MACROD2: variants seen among roughly 807,000 people sequenced by gnomAD.
MACROD2 encodes mono-ADP ribosylhydrolase 2.
Under a neutral mutation model 70.4 loss-of-function variants are expected in MACROD2, and 36 were observed. The ratio of observed to expected loss-of-function variants is 0.51; its 90% CI spans 0.39 to 0.68. The LOEUF (loss-of-function observed/expected upper bound fraction) is 0.68, where lower values mean the gene tolerates loss of function less well. Ranked by LOEUF, MACROD2 falls within the 30% of genes least tolerant of loss-of-function variation. The probability of loss-of-function intolerance (pLI) is 0.00; values close to 1 mark genes in which losing one functional copy is unlikely to be tolerated. For synonymous variants in MACROD2, 172 were observed against 178.8 expected (o/e 0.96, Z 0.30); for missense variants, 496 against 538.4 (o/e 0.92, Z 0.78).
At chr20:15,754,081 A>G (rs1459261748) in intron 8 of MACROD2, among the ~76,000 whole-genome samples, 1 of 152,244 alleles carries the variant, frequency 6.6e-6, no homozygotes, top group Non-Finnish European at 1.5e-5. Flanking sequence ...GTTACTTAAC[A>G]TACATAATGA....
In MACROD2 at chr20:14,862,604, TAA is replaced by T. The variant is rs1471122310; in HGVS notation, c.418+177647_418+177648del. Among the ~76,000 whole-genome samples, 23 of 33,056 alleles carry T rather than the reference TAA, an allele frequency of 7.0e-4. 1 individual carries two copies. The highest frequency in any genetic ancestry group is 2.2e-3 in the East Asian group (2 of 924). 21.7% of individuals were successfully genotyped at this position (33,056 alleles called of 152,430 possible). A position where few individuals can be genotyped will look rare whatever the true frequency, so the allele number is the denominator to read the frequency against. On this transcript the variant is annotated intron_variant, in intron 5 of 17. Coordinates refer to ENST00000684519, the MANE Select transcript of MACROD2 (RefSeq NM_001351661.2). ...ATATGTATAAATATATATATAAATA[TAA>T]ATATATATAAATATATATATATAAA...
intron 8 of MACROD2, among the ~76,000 whole-genome samples, chr20:15,861,393 T>C (rs1296360967): frequency 6.6e-6 from 1 of 152,192 alleles, no homozygotes; most frequent in Admixed American, 6.5e-5. Context: ...CAATGACAGG[T>C]TTAGCATTTA....
intron 2 of MACROD2, among the ~76,000 whole-genome samples, chr20:14,016,905 G>A (rs1601117141): frequency 6.6e-6 from 1 of 152,012 alleles, no homozygotes; most frequent in Non-Finnish European, 1.5e-5. Flanking sequence ...TTGGGATGCC[G>A]ATTATATTGA....
At chr20:15,631,439 A>T (rs991737588) in intron 8 of MACROD2, among the ~76,000 whole-genome samples, 13 of 152,202 alleles carry the variant, frequency 8.5e-5, no homozygotes, top group Non-Finnish European at 1.9e-4. Context: ...GATTATTTTA[A>T]ATCCAAACAC....
rs529650590 is a variant in MACROD2, at chr20:14,902,662, G to T, written c.418+217703G>T. Among the ~76,000 whole-genome samples, 154 of 152,178 alleles carry T rather than the reference G, an allele frequency of 1.0e-3. 1 individual carries two copies. The highest frequency in any genetic ancestry group is 1.5e-3 in the Admixed American group (23 of 15,280). On this transcript the variant is annotated intron_variant, in intron 5 of 17. Transcript: ENST00000684519. ...AGAAGAGAGGCAGGGTGGTCAGGACGTGCTGAGAAAGACTGAAAAAAATAG... is the reference window on the plus strand; with the variant it reads ...AGAAGAGAGGCAGGGTGGTCAGGACTTGCTGAGAAAGACTGAAAAAAATAG...
At chr20:15,204,391 T>C (rs1005935917) in intron 5 of MACROD2, among the ~76,000 whole-genome samples, 1 of 152,292 alleles carries the variant, frequency 6.6e-6, no homozygotes, top group African/African-American at 2.4e-5. Flanking sequence ...TTGTGAATTC[T>C]AATAGGTCTA....
intron 5 of MACROD2, among the ~76,000 whole-genome samples, chr20:14,906,800 G>A (rs967915019): frequency 6.6e-6 from 1 of 152,132 alleles, no homozygotes; most frequent in East Asian, 1.9e-4. Context: ...CTTCTTTGAA[G>A]TATTCTTTAA....
At chr20:14,220,032 A>T (rs990342698) in intron 3 of MACROD2, among the ~76,000 whole-genome samples, 1 of 152,150 alleles carries the variant, frequency 6.6e-6, no homozygotes, top group African/African-American at 2.4e-5. Context: ...GGCACTTTCC[A>T]GAGAGCATCA....
chr20:15,040,722 A>G (rs1360396057), intron 5 of MACROD2, among the ~76,000 whole-genome samples: 3 of 152,304 alleles, frequency 2.0e-5, no homozygotes, highest in Non-Finnish European at 4.4e-5. Context: ...ATGGCTTTAT[A>G]TAAAGTTATT....
At chr20:15,427,354 A>T (rs2046311916) in intron 6 of MACROD2, among the ~76,000 whole-genome samples, 1 of 152,216 alleles carries the variant, frequency 6.6e-6, no homozygotes. Flanking sequence ...GAGCTAAGGC[A>T]AATGAAACTT....
chr20:14,810,252 G>A (rs1011205238), intron 5 of MACROD2, among the ~76,000 whole-genome samples: 3 of 151,880 alleles, frequency 2.0e-5, no homozygotes, highest in African/African-American at 4.8e-5. Context: ...TGATCAAGTC[G>A]GCTTCATCCC....
chr20:15,855,545 A>G (rs2064347455), intron 8 of MACROD2, among the ~76,000 whole-genome samples: 1 of 152,192 alleles, frequency 6.6e-6, no homozygotes, highest in African/African-American at 2.4e-5. Context: ...TTATTGAAGT[A>G]TAACATACAG....
chr20:15,716,521 G>A (rs150537943), intron 8 of MACROD2, among the ~76,000 whole-genome samples: 1 of 152,294 alleles, frequency 6.6e-6, no homozygotes, highest in Non-Finnish European at 1.5e-5. Context: ...TTAGCAGGGA[G>A]CACTGCCTTT....
chr20:15,805,234 C>G (rs533844976), intron 8 of MACROD2, among the ~76,000 whole-genome samples: 1 of 152,082 alleles, frequency 6.6e-6, no homozygotes, highest in Non-Finnish European at 1.5e-5. Flanking sequence ...AGCTGAAGAA[C>G]TGGATAGAAT....
At chr20:15,991,651 T>C (rs1344614765) in intron 15 of MACROD2, among the ~76,000 whole-genome samples, 1 of 152,230 alleles carries the variant, frequency 6.6e-6, no homozygotes, top group Non-Finnish European at 1.5e-5. Context: ...ACTGGAACAT[T>C]CTACCTTCAG....
chr20:15,336,450 TCA>T (rs907328211), intron 6 of MACROD2, among the ~76,000 whole-genome samples: 2 of 151,628 alleles, frequency 1.3e-5, no homozygotes, highest in African/African-American at 4.9e-5. Context: ...TTAAAACCTT[TCA>T]CAGAGACTGA....
chr20:15,109,072 A>G (rs2075934355), intron 5 of MACROD2, among the ~76,000 whole-genome samples: 1 of 152,204 alleles, frequency 6.6e-6, no homozygotes, highest in African/African-American at 2.4e-5. Flanking sequence ...AGCCACACCC[A>G]TTCACTTTCA....
chr20:15,750,247 G>C (rs1368482242), intron 8 of MACROD2, among the ~76,000 whole-genome samples: 1 of 151,904 alleles, frequency 6.6e-6, no homozygotes, highest in Non-Finnish European at 1.5e-5. Flanking sequence ...ACATGAAAAA[G>C]TGCTCAGCAT....
At chr20:15,409,013 A>C (rs765814052) in intron 6 of MACROD2, among the ~76,000 whole-genome samples, 1 of 152,070 alleles carries the variant, frequency 6.6e-6, no homozygotes, top group Non-Finnish European at 1.5e-5. Context: ...TTTTTTCTTT[A>C]TACTTTCTTC....
Sources: gnomAD v4.1 joint callset for allele counts (sites outside exome capture counted in the v4.1 genomes callset) on GRCh38, gnomAD v4.1.1 for gene constraint, MANE v1.5 for transcripts, NCBI Gene and HGNC (gene_info 2026-07-23, HGNC 2026-07-21) for gene names.